Variants in GPAM observed in about 807,000 individuals in gnomAD.
GPAM encodes the protein glycerol-3-phosphate acyltransferase, mitochondrial.
Under a neutral mutation model 105.0 loss-of-function variants are expected in GPAM, and 56 were observed. The observed-to-expected ratio is 0.53, with a 90% confidence interval of 0.43 to 0.67. GPAM has a LOEUF of 0.67. Among genes scored for constraint, GPAM ranks in the 30% least tolerant of loss-of-function variants. GPAM has a pLI of 0.00. For synonymous variants in GPAM, 368 were observed against 354.4 expected, an observed-to-expected ratio of 1.04 and a Z score of -0.43; for missense variants, 855 against 989.8, an observed-to-expected ratio of 0.86 and a Z score of 1.83.
chr10:112,173,515 C>T (rs918653959), intron 7 of GPAM, among the ~76,000 whole-genome samples, 184 bp downstream of exon 7: 2 of 152,152 alleles, frequency 1.3e-5, no homozygotes, highest in Admixed American at 1.3e-4. Flanking sequence ...ACCTTCAAGC[C>T]TACCACAGTG....
chr10:112,157,502 G>A (rs1847039406), intron 18 of GPAM, 113 bp from the exon 19 acceptor site: 1 of 925,492 alleles, frequency 1.1e-6, no homozygotes, highest in South Asian at 1.4e-5. Context: ...GCTCTTCTCT[G>A]TTTAGCCACT....
intron 1 of GPAM, among the ~76,000 whole-genome samples, chr10:112,211,754 A>C (rs774435858): frequency 6.6e-6 from 1 of 152,214 alleles, no homozygotes; most frequent in Non-Finnish European, 1.5e-5. Context: ...AAGTAACCTC[A>C]TGAGAAAGTA....
chr10:112,183,956 T>C (rs562912195), upstream of GPAM, among the ~76,000 whole-genome samples: 1 of 152,360 alleles, frequency 6.6e-6, no homozygotes, highest in African/African-American at 2.4e-5. Context: ...TTACCCTGCC[T>C]AGGCCATGCG....
intron 12 of GPAM, among the ~76,000 whole-genome samples, 173 bp from the exon 13 acceptor site, chr10:112,164,783 C>T (rs1333500814): frequency 6.6e-6 from 1 of 152,192 alleles, no homozygotes; most frequent in East Asian, 1.9e-4. Context: ...GAATGATTCA[C>T]AGAATGCTGC....
intron 9 of GPAM, among the ~76,000 whole-genome samples, chr10:112,169,575 T>C (rs1165849851): frequency 1.3e-5 from 2 of 152,206 alleles, no homozygotes; most frequent in African/African-American, 4.8e-5. Flanking sequence ...AATTTTGATA[T>C]GAAGTTGAAA....
In GPAM at chr10:112,150,291, G is replaced by A. The variant is rs73365151; in HGVS notation, c.*3259C>T. On this transcript the variant is annotated 3_prime_UTR_variant, in exon 22 of 22. Transcript: ENST00000348367. ...TGTGGATAAAAATCTGCATTCAAAC[G>A]TACAATACTTTCTTCTAGATCTGAA... 4,083 of 984,748 alleles carry A rather than the reference G, an allele frequency of 4.1e-3. 135 individuals carry two copies. The African/African-American group carries it at 0.065, about 16-fold the overall frequency. 61.0% of individuals were successfully genotyped at this position (984,748 alleles called of 1,614,324 possible). A position where few individuals can be genotyped will look rare whatever the true frequency, so the allele number is the denominator to read the frequency against.
intron 18 of GPAM, among the ~76,000 whole-genome samples, 165 bp downstream of exon 18, chr10:112,158,151 G>A (rs1489532661): frequency 4.6e-5 from 7 of 152,096 alleles, no homozygotes; most frequent in African/African-American, 7.2e-5. Flanking sequence ...GGCTGCTCTC[G>A]TACTCCTGAC....
chr10:112,187,183 A>G (rs1379135575), upstream of GPAM, among the ~76,000 whole-genome samples: 1 of 152,198 alleles, frequency 6.6e-6, no homozygotes, highest in Non-Finnish European at 1.5e-5. Flanking sequence ...ATGGGGGAGA[A>G]AAGAAAGAAT....
intron 1 of GPAM, among the ~76,000 whole-genome samples, chr10:112,191,792 A>G (rs1847661594): frequency 6.6e-6 from 1 of 152,212 alleles, no homozygotes. Flanking sequence ...AGTGGAGGCC[A>G]GAATGGCTCG....
At chr10:112,202,697 ACCAAG>A (rs1385418658) in intron 1 of GPAM, among the ~76,000 whole-genome samples, 1 of 152,234 alleles carries the variant, frequency 6.6e-6, no homozygotes, top group Non-Finnish European at 1.5e-5. Context: ...CCAAAATAGT[ACCAAG>A]CCACTCTGTT....
chr10:112,150,563 A>G lies in GPAM; in HGVS notation c.*2987T>C. 4.1e-6 allele frequency: 4 copies of G among 984,318 alleles called. No homozygotes were observed. Among genetic ancestry groups the G allele is most frequent in the Non-Finnish European group, 4.8e-6 (4 of 828,606 alleles). The allele number at this position is 984,318 out of a possible 1,614,324, so 61.0% of individuals were successfully genotyped here. ...TACCGTTTTGTCTCCTTAAAGAACT[A>G]TCTAACATAGTGTTTCCCAAAATGT... On this transcript the variant is annotated 3_prime_UTR_variant, in exon 22 of 22. Coordinates refer to ENST00000348367, the MANE Select transcript of GPAM (RefSeq NM_001244949.2).
At chr10:112,166,377 T>C in intron 12 of GPAM, 25 bp downstream of exon 12, 1 of 1,239,010 alleles carries the variant, frequency 8.1e-7, no homozygotes, top group Non-Finnish European at 1.2e-6. Flanking sequence ...TGCTTCAACA[T>C]GGTTTCATTT....
the GPAM span, among the ~76,000 whole-genome samples, chr10:112,227,161 T>C: frequency 1.6e-4 from 24 of 152,316 alleles, no homozygotes; most frequent in South Asian, 4.1e-4. Context: ...TAAGGCTCAC[T>C]ACATAAAGAC....
At chr10:112,167,833 C>G (rs1324715016) in intron 11 of GPAM, among the ~76,000 whole-genome samples, 3 of 152,174 alleles carry the variant, frequency 2.0e-5, no homozygotes, top group East Asian at 1.9e-4. Flanking sequence ...TTTATATACT[C>G]TTTTGTAACT....
At chr10:112,200,162 AAGGAAATATATATATAT>A (rs1401375400) in intron 1 of GPAM, among the ~76,000 whole-genome samples, 1 of 99,142 alleles carries the variant, frequency 1.0e-5, no homozygotes, top group Non-Finnish European at 2.0e-5. Context: ...ACACATTGTA[AAGGAAATATATATATAT>A]ATATATATAT....
At chr10:112,211,224 T>G (rs1336080382) in intron 1 of GPAM, among the ~76,000 whole-genome samples, 1 of 152,164 alleles carries the variant, frequency 6.6e-6, no homozygotes, top group Non-Finnish European at 1.5e-5. Context: ...CCTGCCGTCC[T>G]TGAGTTTGGG....
chr10:112,159,859 A>G (rs1262298820), intron 17 of GPAM, 52 bp downstream of exon 17: 1 of 1,585,070 alleles, frequency 6.3e-7, no homozygotes, highest in African/African-American at 1.3e-5. Context: ...TTACGTTTTC[A>G]TGAAAACGCT....
upstream of GPAM, among the ~76,000 whole-genome samples, chr10:112,216,780 T>G (rs763818108): frequency 6.6e-6 from 1 of 151,830 alleles, no homozygotes. Flanking sequence ...CCCACCACCA[T>G]GCCCAGCTAA....
chr10:112,150,176 A>C lies in GPAM; in HGVS notation c.*3374T>G, dbSNP rs188294837. On this transcript the variant is annotated 3_prime_UTR_variant, in exon 22 of 22. Transcript: ENST00000348367. ...GCCAGACGGCAAGTCTCAGGTTTCT[A>C]AAATAGTTTTAAAAAACAGGTTTAC... is the stretch of plus-strand genomic sequence containing the variant. The C allele has an allele frequency of 2.8e-4, 276 of 985,256 alleles. No individual in the cohort carries two copies. The highest frequency in any genetic ancestry group is 3.1e-4 in the Non-Finnish European group (257 of 829,748). The allele number at this position is 985,256 out of a possible 1,614,324, so 61.0% of individuals were successfully genotyped here. A position where few individuals can be genotyped will look rare whatever the true frequency, so the allele number is the denominator to read the frequency against.
Sources: gnomAD v4.1 joint callset for allele counts (sites outside exome capture counted in the v4.1 genomes callset) on GRCh38, gnomAD v4.1.1 for gene constraint, MANE v1.5 for transcripts, NCBI Gene and HGNC (gene_info 2026-07-23, HGNC 2026-07-21) for gene names.